Variants in FHAD1 observed in about 807,000 individuals in gnomAD.
FHAD1 encodes the protein forkhead-associated domain-containing protein 1.
In FHAD1, 146 loss-of-function variants were observed where a neutral mutation model predicts 191.3. The observed-to-expected ratio is 0.76, with a 90% confidence interval of 0.67 to 0.88. The LOEUF (loss-of-function observed/expected upper bound fraction) is 0.88, where lower values mean the gene tolerates loss of function less well. FHAD1 is among the 40% of genes least tolerant of loss of function. The probability of loss-of-function intolerance (pLI) is 0.00; values close to 1 mark genes in which losing one functional copy is unlikely to be tolerated. For missense variants in FHAD1, 1,635 were observed against 1,785.8 expected, an observed-to-expected ratio of 0.92 and a Z score of 1.52; for synonymous variants, 616 against 672.3, an observed-to-expected ratio of 0.92 and a Z score of 1.29.
chr1:15,397,219 A>G, intron 33 of FHAD1, 78 bp from the exon 34 acceptor site: 2 of 649,866 alleles, frequency 3.1e-6, no homozygotes, highest in Non-Finnish European at 5.0e-6. Context: ...AAAATAAAAA[A>G]TAACAAAACC....
At chr1:15,351,380 A>G (rs750690080) in intron 19 of FHAD1, among the ~76,000 whole-genome samples, 1 of 152,168 alleles carries the variant, frequency 6.6e-6, no homozygotes, top group Admixed American at 6.5e-5. Flanking sequence ...AAATTTTTTT[A>G]AAAAGTCTCC....
chr1:15,292,278 G>A (rs1400660265), intron 4 of FHAD1, among the ~76,000 whole-genome samples: 1 of 152,058 alleles, frequency 6.6e-6, no homozygotes, highest in Non-Finnish European at 1.5e-5. Context: ...CTCCTGAGTA[G>A]CTGGGATTAC....
At chr1:15,396,350 A>G (rs1470581853) in intron 33 of FHAD1, among the ~76,000 whole-genome samples, 1 of 151,880 alleles carries the variant, frequency 6.6e-6, no homozygotes, top group Non-Finnish European at 1.5e-5. Flanking sequence ...AAATAGAGAA[A>G]AGGAAAGCAA....
At chr1:15,347,034 C>G (rs1206238234) in intron 18 of FHAD1, among the ~76,000 whole-genome samples, 1 of 152,196 alleles carries the variant, frequency 6.6e-6, no homozygotes, top group African/African-American at 2.4e-5. Flanking sequence ...GCAGGAGAAA[C>G]AAAAAGACCT....
chr1:15,365,513 G>A (rs1365075365), intron 23 of FHAD1, among the ~76,000 whole-genome samples: 1 of 99,712 alleles, frequency 1.0e-5, no homozygotes, highest in African/African-American at 6.4e-5. Flanking sequence ...TAGAGACGGG[G>A]TTCTGACTTA....
chr1:15,257,525 A>G (rs1573700713), intron 2 of FHAD1, among the ~76,000 whole-genome samples: 1 of 152,044 alleles, frequency 6.6e-6, no homozygotes, highest in Non-Finnish European at 1.5e-5. Context: ...GCGCCCGTTC[A>G]CCTTCCTGCC....
At chr1:15,315,187 G>A (rs1673952713) in intron 8 of FHAD1, 1 of 152,044 alleles carries the variant, frequency 6.6e-6, no homozygotes, top group African/African-American at 2.4e-5. Flanking sequence ...AGAATAAAAA[G>A]TAGATAAAAC....
At chr1:15,299,485 T>C (rs1438479780) in intron 5 of FHAD1, among the ~76,000 whole-genome samples, 1 of 152,176 alleles carries the variant, frequency 6.6e-6, no homozygotes. Context: ...CTTCCTCTTT[T>C]AAGTAATACA....
Position 15,290,922 on chromosome 1 carries a change from GC to G in FHAD1, c.568+1258del, listed in dbSNP as rs566219135. Among the ~76,000 whole-genome samples the G allele has an allele frequency of 2.6e-4, 40 of 152,054 alleles. No individual in the cohort carries two copies. In the South Asian group the frequency reaches 6.2e-3, roughly 24 times the overall value. On this transcript the variant is annotated intron_variant, in intron 4 of 33. Coordinates refer to ENST00000688493, the MANE Select transcript of FHAD1 (RefSeq NM_001391957.1). ...GTAGAGATGGGGTTTCACCATGTTA[GC>G]CAGGATGGTCTTGATCTCCTGACCT...
chr1:15,390,275 G>A (rs1703584260), intron 32 of FHAD1, among the ~76,000 whole-genome samples: 1 of 147,134 alleles, frequency 6.8e-6, no homozygotes, highest in South Asian at 2.1e-4. Flanking sequence ...AACCTGGGAG[G>A]CAAAGGTTGC....
intron 1 of FHAD1, among the ~76,000 whole-genome samples, chr1:15,250,967 T>C (rs1193411694): frequency 6.6e-6 from 1 of 152,182 alleles, no homozygotes; most frequent in African/African-American, 2.4e-5. Context: ...CCAGGCACCA[T>C]TCTAGATACC....
intron 33 of FHAD1, among the ~76,000 whole-genome samples, chr1:15,394,932 A>T (rs1705417151): frequency 6.6e-6 from 1 of 152,112 alleles, no homozygotes; most frequent in African/African-American, 2.4e-5. Context: ...TGCGAGAGAG[A>T]TCTTGGGTTG....
rs193196510 is a variant in FHAD1 at position 15,344,627 on chromosome 1, C to A, written c.2131-456C>A. Among the ~76,000 whole-genome samples, 6 of 152,330 alleles carry A rather than the reference C, an allele frequency of 3.9e-5. No homozygotes were observed. The East Asian group carries it at 1.2e-3, about 29-fold the overall frequency. Reference sequence around the variant, plus strand: ...TAGTTTGCTAACCTCTGGTTTAGAACACAGGCTTCAGAATCAAATGGGTCA... The same window carrying A: ...TAGTTTGCTAACCTCTGGTTTAGAAAACAGGCTTCAGAATCAAATGGGTCA... On this transcript the variant is annotated intron_variant, in intron 16 of 33. Transcript: ENST00000688493.
chr1:15,399,249 C>T (rs558215336), downstream of FHAD1, among the ~76,000 whole-genome samples: 3 of 152,280 alleles, frequency 2.0e-5, no homozygotes, highest in East Asian at 5.8e-4. Flanking sequence ...ATTGGAGGCA[C>T]ATCTTACACA....
At chr1:15,282,380 T>G (rs1660918434) in intron 3 of FHAD1, among the ~76,000 whole-genome samples, 2 of 152,244 alleles carry the variant, frequency 1.3e-5, no homozygotes, top group African/African-American at 2.4e-5. Context: ...GGACTCTTTA[T>G]GGCAAATTTA....
chr1:15,366,275 ACT>A (rs1354257372), intron 24 of FHAD1, among the ~76,000 whole-genome samples: 4 of 120,496 alleles, frequency 3.3e-5, no homozygotes, highest in Non-Finnish European at 6.5e-5. Flanking sequence ...ACAAAGCGAG[ACT>A]CTGTCTCAAA....
chr1:15,264,935 G>A (rs1032531360), intron 2 of FHAD1, among the ~76,000 whole-genome samples: 1 of 152,142 alleles, frequency 6.6e-6, no homozygotes, highest in Middle Eastern at 3.2e-3. Context: ...AGATAGTCAC[G>A]TGGTTCTTCC....
chr1:15,352,896 C>G lies in FHAD1; in HGVS notation c.2474C>G (p.Ala825Gly), dbSNP rs1048002428. The change falls in exon 20 of 34, where the codon GCG becomes GGG. Residue 825 changes from alanine to glycine, a missense_variant. Ala to Gly is a moderately conservative substitution (Grantham distance 60). Transcript: ENST00000688493. Reference sequence around the variant, plus strand: ...TTCCAGATCTCAGAGAGCAACATTGCGTACGAGAAACGCAAAGCAAAGGAG... The same window carrying G: ...TTCCAGATCTCAGAGAGCAACATTGGGTACGAGAAACGCAAAGCAAAGGAG... ...QQKEISESNI[A>G]YEKRKAKEAM... The G allele has an allele frequency of 2.4e-5, 38 of 1,551,160 alleles. No homozygotes were observed. In the African/African-American group the frequency reaches 4.5e-4, roughly 18 times the overall value.
intron 1 of FHAD1, among the ~76,000 whole-genome samples, chr1:15,250,970 TA>T (rs2100763835): frequency 6.6e-6 from 1 of 152,320 alleles, no homozygotes; most frequent in Non-Finnish European, 1.5e-5. Flanking sequence ...GGCACCATTC[TA>T]GATACCTCAC....
Sources: gnomAD v4.1 joint callset for allele counts (sites outside exome capture counted in the v4.1 genomes callset) on GRCh38, gnomAD v4.1.1 for gene constraint, MANE v1.5 for transcripts, NCBI Gene and HGNC (gene_info 2026-07-23, HGNC 2026-07-21) for gene names.